TUT4: variants seen among roughly 807,000 people sequenced by gnomAD.
The protein encoded by TUT4 is terminal uridylyltransferase 4.
In TUT4, 36 loss-of-function variants were observed where a neutral mutation model predicts 192.2. The observed-to-expected ratio is 0.19, with a 90% confidence interval of 0.14 to 0.25. The LOEUF is 0.25. Among genes scored for constraint, TUT4 ranks in the 10% least tolerant of loss-of-function variants. TUT4 has a pLI of 1.00. For synonymous variants in TUT4, 618 were observed against 666.0 expected, an observed-to-expected ratio of 0.93 and a Z score of 1.11; for missense variants, 1,493 against 1,957.2, an observed-to-expected ratio of 0.76 and a Z score of 4.47.
intron 15 of TUT4, among the ~76,000 whole-genome samples, chr1:52,465,771 A>G (rs1208178243): frequency 1.3e-5 from 2 of 152,382 alleles, no homozygotes; most frequent in Non-Finnish European, 2.9e-5. Flanking sequence ...TCCACTTGAT[A>G]TAAATTATGA....
intron 9 of TUT4, among the ~76,000 whole-genome samples, chr1:52,488,518 C>T (rs1352583242): frequency 2.0e-5 from 3 of 152,144 alleles, no homozygotes; most frequent in Non-Finnish European, 2.9e-5. Flanking sequence ...AAGAGAATAG[C>T]ATTCTTAGAG....
chr1:52,444,987 A>C (rs1335880657), intron 24 of TUT4, among the ~76,000 whole-genome samples: 5 of 144,254 alleles, frequency 3.5e-5, no homozygotes, highest in Admixed American at 2.1e-4. Context: ...GTGTGTATAT[A>C]TATGTATATA....
chr1:52,456,796 T>A lies in TUT4; in HGVS notation c.3435+1540A>T, dbSNP rs1661107127. ...CATTGATTATGATAAAATGTGTACA[T>A]CATTATATATTGTCCAAACCCTTAG... On this transcript the variant is annotated intron_variant, in intron 20 of 29. Coordinates refer to ENST00000257177, the MANE Select transcript of TUT4 (RefSeq NM_001009881.3). Among the ~76,000 whole-genome samples, 3 of 152,174 alleles carry A rather than the reference T, an allele frequency of 2.0e-5. No homozygotes were observed. In the South Asian group the frequency reaches 6.2e-4, roughly 31 times the overall value.
intron 24 of TUT4, among the ~76,000 whole-genome samples, chr1:52,442,301 A>T (rs1037629311): frequency 1.3e-5 from 2 of 152,168 alleles, no homozygotes; most frequent in African/African-American, 2.4e-5. Flanking sequence ...ATAATGATGT[A>T]GAAAAATAAC....
intron 20 of TUT4, among the ~76,000 whole-genome samples, chr1:52,452,265 T>G (rs75760854): frequency 0.013 from 2,045 of 152,272 alleles, 47 homozygotes; most frequent in African/African-American, 0.047. Flanking sequence ...ACAAAGCAGG[T>G]TCAACATCTC....
chr1:52,544,616 A>C (rs1332929630), intron 1 of TUT4, among the ~76,000 whole-genome samples: 1 of 152,250 alleles, frequency 6.6e-6, no homozygotes, highest in Non-Finnish European at 1.5e-5. Flanking sequence ...AGACGAAAAC[A>C]AAAGGGAAAA....
chr1:52,520,010 C>T (rs12066390), intron 2 of TUT4, among the ~76,000 whole-genome samples: 4,873 of 152,034 alleles, frequency 0.032, 182 homozygotes, highest in African/African-American at 0.093. Context: ...CAGAGTGAGA[C>T]CCTATCTCAA....
chr1:52,510,333 A>AG (rs1676810333), intron 3 of TUT4, among the ~76,000 whole-genome samples: 1 of 151,370 alleles, frequency 6.6e-6, no homozygotes, highest in South Asian at 2.1e-4. Flanking sequence ...AAAAAAAAAA[A>AG]AAAAAAAAGA....
chr1:52,474,602 GA>G (rs1239486639), intron 13 of TUT4, among the ~76,000 whole-genome samples: 1 of 152,094 alleles, frequency 6.6e-6, no homozygotes, highest in African/African-American at 2.4e-5. Flanking sequence ...TCATATATGA[GA>G]AAGTAAAGGA....
chr1:52,428,540 C>T (rs954625327), intron 28 of TUT4, among the ~76,000 whole-genome samples: 10 of 150,732 alleles, frequency 6.6e-5, no homozygotes, highest in Non-Finnish European at 8.8e-5. Context: ...GCAGGAGAAT[C>T]GCTTGAACCC....
Position 52,525,534 on chromosome 1 carries a change from T to C in TUT4, c.718+29A>G, listed in dbSNP as rs747626269. ...GGGGATAATCTAAAGAACATTAATA[T>C]ACAAAAATCCCTCCAAAAAATGACT... On this transcript the variant is annotated intron_variant, in intron 2 of 29. Transcript: ENST00000257177. 1.2e-5 allele frequency: 19 copies of C among 1,582,424 alleles called. No individual in the cohort carries two copies. The East Asian group carries it at 2.9e-4, about 24-fold the overall frequency.
chr1:52,432,055 T>C (rs1280474094), intron 27 of TUT4: 2 of 152,220 alleles, frequency 1.3e-5, no homozygotes, highest in Non-Finnish European at 2.9e-5. Flanking sequence ...GTTGGATCTC[T>C]GAATACTTGG....
intron 2 of TUT4, among the ~76,000 whole-genome samples, chr1:52,521,485 T>G (rs1226908376): frequency 6.6e-6 from 1 of 151,656 alleles, no homozygotes; most frequent in Non-Finnish European, 1.5e-5. Context: ...GCTAACATGG[T>G]GAAACCCCAT....
Position 52,457,397 on chromosome 1 carries a change from G to A in TUT4, c.3435+939C>T, listed in dbSNP as rs916089441. 7.9e-5 allele frequency among the ~76,000 whole-genome samples: 12 copies of A among 151,650 alleles called. No homozygotes were observed. In the South Asian group the frequency reaches 1.0e-3, roughly 13 times the overall value. ...ATTACAGGCACGCACCACCACGCCCGGCTAATTTTTATATTTTTAGTAGAG... is the reference window on the plus strand; with the variant it reads ...ATTACAGGCACGCACCACCACGCCCAGCTAATTTTTATATTTTTAGTAGAG... On this transcript the variant is annotated intron_variant, in intron 20 of 29. Coordinates refer to ENST00000257177, the MANE Select transcript of TUT4 (RefSeq NM_001009881.3).
intron 20 of TUT4, among the ~76,000 whole-genome samples, chr1:52,457,784 A>G (rs1352215522): frequency 3.3e-5 from 5 of 152,226 alleles, no homozygotes; most frequent in Non-Finnish European, 5.9e-5. Flanking sequence ...GGAACTTTAT[A>G]AGTCACCAAT....
At chr1:52,463,493 G>C (rs1334234685) in intron 16 of TUT4, 1 of 1,057,380 alleles carries the variant, frequency 9.5e-7, no homozygotes, top group Non-Finnish European at 1.2e-6. Context: ...CCGTTCAAAA[G>C]AATGATTTTA....
intron 2 of TUT4, among the ~76,000 whole-genome samples, chr1:52,517,819 T>A (rs1400830313): frequency 6.6e-6 from 1 of 152,206 alleles, no homozygotes; most frequent in Non-Finnish European, 1.5e-5. Flanking sequence ...CTACTTTTCA[T>A]GAAAAAGGAT....
intron 7 of TUT4, among the ~76,000 whole-genome samples, chr1:52,491,005 G>A (rs1671015514): frequency 6.6e-6 from 1 of 152,088 alleles, no homozygotes; most frequent in Non-Finnish European, 1.5e-5. Flanking sequence ...CACAGGTACA[G>A]CCCCAAATAC....
Position 52,526,264 on chromosome 1 carries a change from G to C in TUT4, c.17C>G (p.Thr6Ser), listed in dbSNP as rs1168406024. 3.2e-6 allele frequency: 5 copies of C among 1,544,268 alleles called. No individual in the cohort carries two copies. In the East Asian group the frequency reaches 1.2e-4, roughly 36 times the overall value. ...TGGTTCATGATTTTCACTTTTTAAG[G>C]TTTTAGACTCTTCCATTATTTGAAA... MEESK[T>S]LKSENHEPKK... is the part of the protein sequence containing the mutation. Residue 6 changes from threonine (T) to serine (S), a missense_variant, in exon 2 of 30, where the codon ACC becomes AGC. Physicochemically the swap from Thr to Ser is moderately conservative, Grantham distance 58. This residue lies in a region of TUT4 where 260 missense variants were observed against 247.8 expected (regional missense o/e 1.05). Coordinates refer to ENST00000257177, the MANE Select transcript of TUT4 (RefSeq NM_001009881.3).
Sources: allele counts gnomAD v4.1 joint callset (sites outside exome capture counted in the v4.1 genomes callset), GRCh38; gene constraint gnomAD v4.1.1; regional missense constraint gnomAD v4.1.1; transcripts MANE v1.5; gene names NCBI Gene and HGNC (gene_info 2026-07-23, HGNC 2026-07-21).